Variants in DLGAP2 observed in about 807,000 individuals in gnomAD.
DLGAP2 encodes the protein disks large-associated protein 2.
A neutral mutation model predicts 100.3 loss-of-function variants in DLGAP2; 26 were observed. The ratio of observed to expected loss-of-function variants is 0.26; its 90% CI spans 0.19 to 0.36. DLGAP2 has a LOEUF of 0.36. Among genes scored for constraint, DLGAP2 ranks in the 10% least tolerant of loss-of-function variants. The probability of loss-of-function intolerance (pLI) is 1.00; values close to 1 mark genes in which losing one functional copy is unlikely to be tolerated. For missense variants in DLGAP2, 1,858 were observed against 1,453.2 expected (o/e 1.28, Z -4.53); for synonymous variants, 886 against 630.1 (o/e 1.41, Z -6.08).
In DLGAP2 at chr8:1,056,866, G is replaced by T. The variant is rs535759723; in HGVS notation, c.73+148900G>T. Among the ~76,000 whole-genome samples the T allele has an allele frequency of 2.0e-5, 3 of 152,324 alleles. No individual in the cohort carries two copies. The South Asian group carries it at 6.2e-4, about 32-fold the overall frequency. On this transcript the variant is annotated intron_variant, in intron 2 of 14. Transcript: ENST00000637795. ...CTGAATTTCTAATTGTACCTGGTAG[G>T]TAACTTAGTAAATAGCATTTCCCCC...
intron 10 of DLGAP2, among the ~76,000 whole-genome samples, chr8:1,676,238 C>G (rs1316591231): frequency 1.3e-5 from 2 of 152,162 alleles, no homozygotes; most frequent in African/African-American, 4.8e-5. Context: ...TGCAGTTCAA[C>G]AACACCTATT....
intron 4 of DLGAP2, among the ~76,000 whole-genome samples, chr8:1,510,279 C>G (rs1221759133): frequency 6.6e-6 from 1 of 152,220 alleles, no homozygotes; most frequent in Non-Finnish European, 1.5e-5. Context: ...CAGCCTGTGG[C>G]TGTGAAGTGT....
chr8:1,429,240 G>T (rs2129971652), intron 3 of DLGAP2, among the ~76,000 whole-genome samples: 1 of 152,252 alleles, frequency 6.6e-6, no homozygotes, highest in East Asian at 1.9e-4. Flanking sequence ...CCTACTTAGG[G>T]TTCAGCTGGT....
chr8:1,616,344 T>C (rs1157554950), intron 6 of DLGAP2, among the ~76,000 whole-genome samples: 1 of 151,964 alleles, frequency 6.6e-6, no homozygotes, highest in Non-Finnish European at 1.5e-5. Flanking sequence ...GAAGAAAAAA[T>C]GGCCAAATAT....
intron 2 of DLGAP2, among the ~76,000 whole-genome samples, chr8:978,510 G>A (rs1444110375): frequency 1.1e-5 from 1 of 90,914 alleles, no homozygotes; most frequent in East Asian, 3.8e-4. Context: ...GGTCTTTGGT[G>A]ACGTGGGGAG....
At chr8:1,508,783 A>T (rs892416013) in intron 4 of DLGAP2, among the ~76,000 whole-genome samples, 1 of 151,400 alleles carries the variant, frequency 6.6e-6, no homozygotes, top group Non-Finnish European at 1.5e-5. Context: ...CGAGCAGGCA[A>T]ATGAGTGCGG....
chr8:1,013,219 T>C (rs1169409215), intron 2 of DLGAP2, among the ~76,000 whole-genome samples: 2 of 152,200 alleles, frequency 1.3e-5, no homozygotes, highest in Admixed American at 1.3e-4. Context: ...CTTTCAGCAT[T>C]TGAACTACGT....
intron 2 of DLGAP2, among the ~76,000 whole-genome samples, chr8:1,089,443 C>T (rs557628402): frequency 5.6e-4 from 86 of 152,328 alleles, no homozygotes; most frequent in Admixed American, 7.8e-4. Context: ...CCTCCAGCAT[C>T]AGGGGCCTGA....
intron 2 of DLGAP2, among the ~76,000 whole-genome samples, chr8:1,001,934 CTTAAAAATGG>C (rs1271137801): frequency 1.1e-4 from 17 of 152,174 alleles, no homozygotes; most frequent in Non-Finnish European, 1.5e-4. Context: ...CGTGTTTGAG[CTTAAAAATGG>C]TCATATGAAC....
Position 1,202,138 on chromosome 8 carries a change from G to A in DLGAP2, c.74-56713G>A, listed in dbSNP as rs537012394. ...CTGTGTATCTGTGTGTCTGTTGTGTGTGTATACACATGTGGTGTGTACAGT... is the reference window on the plus strand; with the variant it reads ...CTGTGTATCTGTGTGTCTGTTGTGTATGTATACACATGTGGTGTGTACAGT... On this transcript the variant is annotated intron_variant, in intron 2 of 14. Transcript: ENST00000637795. Among the ~76,000 whole-genome samples, 17 of 146,746 alleles carry A rather than the reference G, an allele frequency of 1.2e-4. No individual in the cohort carries two copies. In the East Asian group the frequency reaches 3.1e-3, roughly 27 times the overall value.
intron 2 of DLGAP2, among the ~76,000 whole-genome samples, chr8:1,218,631 T>C (rs10093028): frequency 0.58 from 88,569 of 151,984 alleles, 28,029 homozygotes; most frequent in African/African-American, 0.82. Context: ...TTTTTTGTTT[T>C]AATATATATT....
At chr8:1,091,929 C>T (rs890561030) in intron 2 of DLGAP2, among the ~76,000 whole-genome samples, 18 of 152,262 alleles carry the variant, frequency 1.2e-4, no homozygotes, top group Admixed American at 2.0e-4. Flanking sequence ...TGGGGTGTAG[C>T]GGCCCAGCCT....
intron 1 of DLGAP2, among the ~76,000 whole-genome samples, chr8:812,944 C>G (rs559536088): frequency 2.0e-5 from 3 of 152,182 alleles, no homozygotes; most frequent in African/African-American, 4.8e-5. Context: ...AGTTTAAAAC[C>G]TTTGGTAGAG....
intron 4 of DLGAP2, among the ~76,000 whole-genome samples, chr8:1,514,305 C>T (rs928289619): frequency 1.3e-5 from 2 of 152,266 alleles, no homozygotes; most frequent in African/African-American, 4.8e-5. Flanking sequence ...TTCCCGCATC[C>T]TGCGAAGCGA....
At chr8:937,117 G>T (rs1799089696) in intron 2 of DLGAP2, among the ~76,000 whole-genome samples, 1 of 152,174 alleles carries the variant, frequency 6.6e-6, no homozygotes, top group African/African-American at 2.4e-5. Context: ...CTCTTCTTAA[G>T]ACTTTCTCCT....
At chr8:1,313,050 C>T (rs1309681889) in intron 3 of DLGAP2, among the ~76,000 whole-genome samples, 6 of 152,206 alleles carry the variant, frequency 3.9e-5, no homozygotes, top group South Asian at 2.1e-4. Flanking sequence ...ATGTGCCTGC[C>T]GGCCACTGTC....
intron 13 of DLGAP2, 101 bp downstream of exon 13, chr8:1,691,727 G>A (rs1183445242): frequency 2.9e-6 from 3 of 1,038,428 alleles, no homozygotes; most frequent in East Asian, 2.6e-5. Flanking sequence ...AGTTCCCATC[G>A]GTATGCGGAA....
rs555048056 is a variant in DLGAP2 at position 1,568,157 on chromosome 8, C to T, written c.1442+2263C>T. ...ACAAATCCACTCTGCCCGTGGCCCC[C>T]ATGCCACTGTCCACTCAGCAGACAC... On this transcript the variant is annotated intron_variant, in intron 6 of 14. Coordinates refer to ENST00000637795, the MANE Select transcript of DLGAP2 (RefSeq NM_001346810.2). 4.5e-3 allele frequency among the ~76,000 whole-genome samples: 671 copies of T among 149,302 alleles called. 3 individuals are homozygous for T. Among genetic ancestry groups the T allele is most frequent in the Middle Eastern group, 7.0e-3 (2 of 284 alleles).
intron 2 of DLGAP2, among the ~76,000 whole-genome samples, chr8:1,227,183 A>ATATATATATATATATATATATC (rs1563265070): frequency 3.8e-5 from 5 of 132,526 alleles, no homozygotes; most frequent in African/African-American, 1.3e-4. Context: ...TAGTATAGAT[A>ATATATATATATATATATATATC]TATATTATCC....
Sources: gnomAD v4.1 joint callset for allele counts (sites outside exome capture counted in the v4.1 genomes callset) on GRCh38, gnomAD v4.1.1 for gene constraint, MANE v1.5 for transcripts, NCBI Gene and HGNC (gene_info 2026-07-23, HGNC 2026-07-21) for gene names.